HMGA2: variants seen among roughly 807,000 people sequenced by gnomAD.
HMGA2 encodes the protein high mobility group AT-hook 2, also known as high mobility group protein HMGI-C.
HMGA2 carries 8 observed loss-of-function variants against 19.1 expected under a neutral mutation model. The observed-to-expected ratio is 0.42, with a 90% CI of 0.25 to 0.76. The LOEUF (loss-of-function observed/expected upper bound fraction) is 0.76, where lower values mean the gene tolerates loss of function less well. HMGA2 is among the 30% of genes least tolerant of loss of function. The pLI, the probability that HMGA2 is intolerant of heterozygous loss-of-function variation, is 0.28. For missense variants in HMGA2, 109 were observed against 136.3 expected (o/e 0.80, Z 1.00); for synonymous variants, 60 against 48.8 (o/e 1.23, Z -0.96).
intron 3 of HMGA2, among the ~76,000 whole-genome samples, 195 bp downstream of exon 3, chr12:65,838,764 T>C (rs181032475): frequency 6.4e-4 from 97 of 152,226 alleles, no homozygotes; most frequent in Middle Eastern, 6.8e-3. Context: ...AGAACACTTT[T>C]CTTTCCTGAA....
At chr12:65,832,656 G>C (rs764629716) in intron 2 of HMGA2, among the ~76,000 whole-genome samples, 8 of 152,048 alleles carry the variant, frequency 5.3e-5, no homozygotes. Flanking sequence ...GAAGGTTTTA[G>C]TTATGAATCT....
intron 3 of HMGA2, among the ~76,000 whole-genome samples, chr12:65,916,637 C>G (rs1875112424): frequency 6.6e-6 from 1 of 152,164 alleles, no homozygotes; most frequent in African/African-American, 2.4e-5. Flanking sequence ...CAGGATGCCC[C>G]AAGAAGCTTT....
chr12:65,914,040 T>G (rs1289672718), intron 3 of HMGA2, among the ~76,000 whole-genome samples: 2 of 152,184 alleles, frequency 1.3e-5, no homozygotes, highest in Non-Finnish European at 2.9e-5. Context: ...TTTACACTGT[T>G]GGTGGGACTA....
Position 65,825,518 on chromosome 12 carries a change from G to A in HMGA2, c.111+137G>A. 1 of 397,794 alleles carries A rather than the reference G, an allele frequency of 2.5e-6. No homozygotes were observed. The highest frequency in any genetic ancestry group is 3.9e-6 in the Non-Finnish European group (1 of 257,914). 24.6% of individuals were successfully genotyped at this position (397,794 alleles called of 1,614,324 possible). A position where few individuals can be genotyped will look rare whatever the true frequency, so the allele number is the denominator to read the frequency against. On this transcript the variant is annotated intron_variant, in intron 1 of 4. Transcript: ENST00000403681. The surrounding 1 kb of genome is among the most constrained non-coding windows in gnomAD (Gnocchi z 4.4). ...ACTGCCCGCCGGCCGGCCGGGGGGA[G>A]CGGCGCAGACCCCACGAGTGCGCCG...
At chr12:65,922,563 A>T (rs1486777471) in intron 3 of HMGA2, among the ~76,000 whole-genome samples, 1 of 152,194 alleles carries the variant, frequency 6.6e-6, no homozygotes, top group African/African-American at 2.4e-5. Context: ...GCTCATACAC[A>T]GAAGGGACTT....
At chr12:65,871,093 C>A (rs1399245493) in intron 3 of HMGA2, among the ~76,000 whole-genome samples, 1 of 152,190 alleles carries the variant, frequency 6.6e-6, no homozygotes, top group East Asian at 1.9e-4. Context: ...ATGACCAATG[C>A]ATCATAATTA....
chr12:65,846,866 G>A (rs1871254258), intron 3 of HMGA2, among the ~76,000 whole-genome samples: 1 of 152,158 alleles, frequency 6.6e-6, no homozygotes. Flanking sequence ...GAGCTCTAAA[G>A]AGATAACCTG....
At chr12:65,955,842 A>G (rs1876590463) in intron 4 of HMGA2, 1 of 152,244 alleles carries the variant, frequency 6.6e-6, no homozygotes, top group Admixed American at 6.5e-5. Flanking sequence ...TTCCCCCTCA[A>G]AATAAAATGT....
chr12:65,893,596 G>A (rs747850864), intron 3 of HMGA2, among the ~76,000 whole-genome samples: 9 of 152,244 alleles, frequency 5.9e-5, no homozygotes, highest in Middle Eastern at 3.4e-3. Context: ...CAGAGGTAGC[G>A]GCTGGTGAGA....
intron 2 of HMGA2, among the ~76,000 whole-genome samples, chr12:65,836,187 G>C (rs565136451): frequency 6.6e-6 from 1 of 151,914 alleles, no homozygotes; most frequent in South Asian, 2.1e-4. Context: ...GTGAAACCCC[G>C]TCTCTACTAA....
chr12:65,901,205 A>G (rs1874357377), intron 3 of HMGA2, among the ~76,000 whole-genome samples: 1 of 152,268 alleles, frequency 6.6e-6, no homozygotes. Context: ...TTAAAAAATT[A>G]TTGAGAACAT....
At chr12:65,944,920 A>T (rs537814804) in intron 3 of HMGA2, among the ~76,000 whole-genome samples, 1 of 150,858 alleles carries the variant, frequency 6.6e-6, no homozygotes, top group African/African-American at 2.5e-5. Flanking sequence ...GAATGCAGTG[A>T]CTACTCACAG....
intron 2 of HMGA2, among the ~76,000 whole-genome samples, chr12:65,835,995 A>T (rs956354593): frequency 2.6e-5 from 4 of 152,220 alleles, no homozygotes; most frequent in Non-Finnish European, 5.9e-5. Flanking sequence ...ATAACTCACT[A>T]TGCAATAGCC....
At chr12:65,871,538 T>G (rs1288124828) in intron 3 of HMGA2, among the ~76,000 whole-genome samples, 2 of 152,242 alleles carry the variant, frequency 1.3e-5, no homozygotes, top group East Asian at 3.8e-4. Context: ...TTATTTGTTT[T>G]CCTTCTCATG....
At position 65,965,294 on chromosome 12, in the gene HMGA2, T is replaced by C; in HGVS notation, c.*2002T>C. ...CATGTATTTTACACAAATGTGATTT[T>C]TGTAATATGTCTCAACCAGATTTAT... On this transcript the variant is annotated 3_prime_UTR_variant, in exon 5 of 5. Transcript: ENST00000403681. 4.9e-6 allele frequency: 1 copy of C among 203,098 alleles called. No homozygotes were observed. The highest frequency in any genetic ancestry group is 7.6e-5 in the East Asian group (1 of 13,094). 12.6% of individuals were successfully genotyped at this position (203,098 alleles called of 1,614,324 possible).
At chr12:65,842,929 T>A in intron 3 of HMGA2, 1 of 1,148,500 alleles carries the variant, frequency 8.7e-7, no homozygotes, top group Non-Finnish European at 1.1e-6. Context: ...ATGTATAAAA[T>A]CCTCCATCCA....
intron 1 of HMGA2, chr12:65,827,142 C>A (rs1870248882): frequency 6.6e-6 from 1 of 152,182 alleles, no homozygotes; most frequent in Admixed American, 6.5e-5. Flanking sequence ...GCATAGGAGC[C>A]ATTTAAAGTT....
intron 3 of HMGA2, among the ~76,000 whole-genome samples, chr12:65,898,918 C>T (rs1874250774): frequency 6.6e-6 from 1 of 151,886 alleles, no homozygotes; most frequent in Admixed American, 6.6e-5. Context: ...GTGGCGGGCG[C>T]CTGTAATCCC....
At position 65,890,348 on chromosome 12, in the gene HMGA2, T is replaced by C. The variant is rs1873849730; in HGVS notation, c.249+51779T>C. The stretch of plus-strand genomic sequence containing the variant: ...TCCTCAACAATTTATGCTTGTTGGA[T>C]GAATGATGGACTGAATAAATTAATA... On this transcript the variant is annotated intron_variant, in intron 3 of 4. Transcript: ENST00000403681. Among the ~76,000 whole-genome samples, 3 of 152,220 alleles carry C rather than the reference T, an allele frequency of 2.0e-5. No homozygotes were observed. The South Asian group carries it at 6.2e-4, about 32-fold the overall frequency.
Sources: allele counts gnomAD v4.1 joint callset (sites outside exome capture counted in the v4.1 genomes callset), GRCh38; gene constraint gnomAD v4.1.1; non-coding constraint Gnocchi (gnomAD v3.1); transcripts MANE v1.5; gene names NCBI Gene and HGNC (gene_info 2026-07-23, HGNC 2026-07-21).